Variants in SMIM3 observed in about 807,000 individuals in gnomAD.
SMIM3 encodes the protein NGF-induced differentiation clone 67 protein.
In SMIM3, 4 loss-of-function variants were observed where a neutral mutation model predicts 2.1. The ratio of observed to expected loss-of-function variants is 1.89; its 90% CI spans 0.93 to 4.31. SMIM3 has a LOEUF of 4.31. Among genes scored for constraint, SMIM3 ranks in the 30% most tolerant of loss-of-function variants. SMIM3 has a pLI of 0.01. For missense variants in SMIM3, 79 were observed against 77.7 expected (o/e 1.02, Z -0.06); for synonymous variants, 29 against 30.8 (o/e 0.94, Z 0.19).
intron 1 of SMIM3, among the ~76,000 whole-genome samples, chr5:150,788,633 C>CAAAAAAAA (rs765111003): frequency 1.2e-5 from 1 of 80,022 alleles, no homozygotes; most frequent in Non-Finnish European, 3.0e-5. Flanking sequence ...GACTGTGTCT[C>CAAAAAAAA]AAAAAAAAAA....
intron 1 of SMIM3, among the ~76,000 whole-genome samples, chr5:150,781,156 G>A (rs961043412): frequency 6.6e-6 from 1 of 152,218 alleles, no homozygotes; most frequent in South Asian, 2.1e-4. Context: ...TGGCAGAGCT[G>A]TAATTTGAAC....
chr5:150,792,590 A>G (rs1279474781), intron 1 of SMIM3, among the ~76,000 whole-genome samples: 1 of 152,198 alleles, frequency 6.6e-6, no homozygotes, highest in Non-Finnish European at 1.5e-5. Flanking sequence ...GCTGGAGTGC[A>G]GTGGTGTGAT....
intron 1 of SMIM3, among the ~76,000 whole-genome samples, chr5:150,792,981 C>T (rs938627872): frequency 6.6e-6 from 1 of 151,690 alleles, no homozygotes; most frequent in Non-Finnish European, 1.5e-5. Context: ...GCATATATTC[C>T]ATTAGTAACT....
At chr5:150,792,794 G>A (rs1018335606) in intron 1 of SMIM3, among the ~76,000 whole-genome samples, 1 of 152,206 alleles carries the variant, frequency 6.6e-6, no homozygotes, top group African/African-American at 2.4e-5. Flanking sequence ...CTTCCACCTT[G>A]GATTCCCAAA....
At position 150,795,691 on chromosome 5, in the gene SMIM3, A is replaced by C; in HGVS notation, c.*68A>C. 6.7e-7 allele frequency: 1 copy of C among 1,496,112 alleles called. No individual in the cohort carries two copies. Among genetic ancestry groups the C allele is most frequent in the Non-Finnish European group, 9.0e-7 (1 of 1,117,004 alleles). 92.7% of individuals were successfully genotyped at this position (1,496,112 alleles called of 1,614,324 possible). On this transcript the variant is annotated 3_prime_UTR_variant, in exon 2 of 2. Transcript: ENST00000526627. ...CTATCCCCAGCCTCTTCCTGTCTTC[A>C]GAAAAGCAGCAGGAGGGACTTTGGG...
rs58348809 is a variant in SMIM3 at position 150,780,632 on chromosome 5, TG to T, written c.-12+1665del. On this transcript the variant is annotated intron_variant, in intron 1 of 1. Transcript: ENST00000526627. ...GAGATGCAAAACAAATGAGAGACTC[TG>T]GGGGCCTGTGGTCAGGTCAGATCCT... Among the ~76,000 whole-genome samples, 1,366 of 152,188 alleles carry T rather than the reference TG, an allele frequency of 9.0e-3. 23 individuals carry two copies. The highest frequency in any genetic ancestry group is 0.031 in the African/African-American group (1,305 of 41,534).
intron 1 of SMIM3, among the ~76,000 whole-genome samples, chr5:150,792,731 A>G (rs1280426065): frequency 6.6e-6 from 1 of 152,112 alleles, no homozygotes. Flanking sequence ...AATTAGAATT[A>G]AAATCTCACT....
intron 1 of SMIM3, among the ~76,000 whole-genome samples, chr5:150,786,792 T>A (rs1251006947): frequency 6.6e-6 from 1 of 152,204 alleles, no homozygotes; most frequent in Non-Finnish European, 1.5e-5. Context: ...TTTGTTTTTA[T>A]CATCCTGTCT....
At chr5:150,783,826 A>T (rs1581620846) in intron 1 of SMIM3, among the ~76,000 whole-genome samples, 1 of 152,142 alleles carries the variant, frequency 6.6e-6, no homozygotes, top group Non-Finnish European at 1.5e-5. Context: ...TACTTAAAAA[A>T]ACTTTTCACT....
At chr5:150,786,114 A>AT (rs147285864) in intron 1 of SMIM3, among the ~76,000 whole-genome samples, 21,927 of 151,040 alleles carry the variant, frequency 0.15, 2,851 homozygotes, top group African/African-American at 0.35. Context: ...CTTTTTCTGT[A>AT]TTTTCCATCC....
rs569437752 is a variant in SMIM3 at position 150,794,111 on chromosome 5, C to G, written c.-11-1319C>G. On this transcript the variant is annotated intron_variant, in intron 1 of 1. Coordinates refer to ENST00000526627, the MANE Select transcript of SMIM3 (RefSeq NM_032947.5). ...TGATCAGGGAAATGCAAATCAAAAC[C>G]ACAATGCGATACCACCTTAATCCTG... is the stretch of plus-strand genomic sequence containing the variant. Among the ~76,000 whole-genome samples, 4 of 152,118 alleles carry G rather than the reference C, an allele frequency of 2.6e-5. 1 individual carries two copies. The highest frequency in any genetic ancestry group is 1.9e-4 in the East Asian group (1 of 5,158).
At chr5:150,788,793 C>A (rs566333308) in intron 1 of SMIM3, among the ~76,000 whole-genome samples, 2 of 152,068 alleles carry the variant, frequency 1.3e-5, no homozygotes, top group Admixed American at 1.3e-4. Context: ...GTTACTTAAC[C>A]CCTATGGACT....
intron 1 of SMIM3, among the ~76,000 whole-genome samples, chr5:150,790,983 C>T (rs957128055): frequency 1.3e-5 from 2 of 151,986 alleles, no homozygotes; most frequent in Non-Finnish European, 2.9e-5. Context: ...AGCCTCTTTG[C>T]CCCCTTAACC....
rs147352631 is a variant in SMIM3 at position 150,794,019 on chromosome 5, C to T, written c.-11-1411C>T. ...TCAAAAAGTGGGCTAAGGACATGAA[C>T]AGACAATTCTCAAAAGAAGATGTAC... is the stretch of plus-strand genomic sequence containing the variant. On this transcript the variant is annotated intron_variant, in intron 1 of 1. Coordinates refer to ENST00000526627, the MANE Select transcript of SMIM3 (RefSeq NM_032947.5). Among the ~76,000 whole-genome samples, 419 of 152,212 alleles carry T rather than the reference C, an allele frequency of 2.8e-3. 4 individuals carry two copies. The highest frequency in any genetic ancestry group is 9.8e-3 in the African/African-American group (406 of 41,524).
chr5:150,779,692 C>T (rs1753211495), intron 1 of SMIM3, among the ~76,000 whole-genome samples: 1 of 152,158 alleles, frequency 6.6e-6, no homozygotes, highest in Non-Finnish European at 1.5e-5. Context: ...GCTCCCTAGT[C>T]TCCCCCATGC....
At chr5:150,783,914 CTT>C (rs557905770) in intron 1 of SMIM3, among the ~76,000 whole-genome samples, 4 of 124,326 alleles carry the variant, frequency 3.2e-5, no homozygotes, top group Non-Finnish European at 6.6e-5. Flanking sequence ...TTTGAACTCC[CTT>C]TTTTTTTTTT....
At chr5:150,791,834 G>A (rs1003051863) in intron 1 of SMIM3, among the ~76,000 whole-genome samples, 2 of 152,054 alleles carry the variant, frequency 1.3e-5, no homozygotes, top group African/African-American at 2.4e-5. Context: ...CCTCCATTCT[G>A]TTTTTCATAG....
chr5:150,782,929 G>T (rs945262061), intron 1 of SMIM3, among the ~76,000 whole-genome samples: 2 of 152,156 alleles, frequency 1.3e-5, no homozygotes, highest in African/African-American at 4.8e-5. Context: ...CTGTGCTTGC[G>T]TTTGAGGGAG....
chr5:150,788,908 A>G (rs552926214), intron 1 of SMIM3, among the ~76,000 whole-genome samples: 2 of 152,258 alleles, frequency 1.3e-5, no homozygotes, highest in African/African-American at 4.8e-5. Context: ...TGGTGAGCTC[A>G]GGGTGGTTTC....
Sources: gnomAD v4.1 joint callset for allele counts (sites outside exome capture counted in the v4.1 genomes callset) on GRCh38, gnomAD v4.1.1 for gene constraint, MANE v1.5 for transcripts, NCBI Gene and HGNC (gene_info 2026-07-23, HGNC 2026-07-21) for gene names.